The following MTOR variants were observed in gnomAD, a reference collection of about 807,000 sequenced individuals.
MTOR encodes the protein serine/threonine-protein kinase mTOR.
A neutral mutation model predicts 319.8 loss-of-function variants in MTOR; 70 were observed. The observed-to-expected ratio is 0.22, with a 90% CI of 0.18 to 0.27. MTOR has a LOEUF of 0.27. MTOR is among the 10% of genes least tolerant of loss of function. MTOR has a pLI of 1.00. For missense variants in MTOR, 1,890 were observed against 3,274.4 expected, an observed-to-expected ratio of 0.58 and a Z score of 10.32; for synonymous variants, 1,183 against 1,211.4, an observed-to-expected ratio of 0.98 and a Z score of 0.49.
At chr1:11,191,412 G>A (rs1343653043) in intron 28 of MTOR, among the ~76,000 whole-genome samples, 1 of 152,082 alleles carries the variant, frequency 6.6e-6, no homozygotes, top group East Asian at 1.9e-4. Context: ...ATGTGCCTCA[G>A]ACAACTCCCA....
intron 49 of MTOR, among the ~76,000 whole-genome samples, chr1:11,118,537 G>A (rs1015773494): frequency 1.4e-5 from 2 of 145,962 alleles, no homozygotes; most frequent in Non-Finnish European, 3.0e-5. Context: ...GCCTGGTCTT[G>A]TTTATTTTTA....
Position 11,115,574 on chromosome 1 carries a change from T to C in MTOR, c.7017-106A>G. 9.7e-7 allele frequency: 1 copy of C among 1,031,904 alleles called. No homozygotes were observed. The allele number at this position is 1,031,904 out of a possible 1,614,324, so 63.9% of individuals were successfully genotyped here. A position where few individuals can be genotyped will look rare whatever the true frequency, so the allele number is the denominator to read the frequency against. ...GCTAGGAGTTGGCAAACGATAGCCC[T>C]CAGCCAATCCAGCCCCTCCACCTCC... On this transcript the variant is annotated intron_variant, in intron 50 of 57. Transcript: ENST00000361445. The surrounding 1 kb of genome is among the most constrained non-coding windows in gnomAD (Gnocchi z 4.5).
intron 18 of MTOR, among the ~76,000 whole-genome samples, chr1:11,229,255 C>G (rs940078117): frequency 6.6e-6 from 1 of 152,126 alleles, no homozygotes; most frequent in Non-Finnish European, 1.5e-5. Flanking sequence ...TAATTACTCC[C>G]CCAAAATAAA....
intron 8 of MTOR, among the ~76,000 whole-genome samples, chr1:11,243,990 G>A (rs112338516): frequency 0.031 from 4,783 of 152,106 alleles, 195 homozygotes; most frequent in African/African-American, 0.074. Context: ...ACTCCAGCCT[G>A]GGCAACAGAA....
chr1:11,128,513 G>T lies in MTOR; in HGVS notation c.5851C>A (p.Pro1951Thr). ...TGGTGAATGAGACGTCCCACCAAGG[G>T]TCTGGGCGTATCAATTCTTGCAATG... ...QLIARIDTPR[P>T]LVGRLIHQLL... is the part of the protein sequence containing the mutation. The change falls in exon 42 of 58, where the codon CCC becomes ACC. Residue 1951 changes from proline (P) to threonine (T), a missense_variant. By Grantham distance (38) the Pro-to-Thr change is conservative (BLOSUM62 -1). This residue lies in a region of MTOR where 249 missense variants were observed against 596.2 expected (regional missense o/e 0.42). Coordinates refer to ENST00000361445, the MANE Select transcript of MTOR (RefSeq NM_004958.4). This position sits in a 1 kb window ranked among gnomAD's most constrained non-coding sequence, Gnocchi z 5.3. The T allele has an allele frequency of 1.2e-6, 2 of 1,614,210 alleles. No individual in the cohort carries two copies. Among genetic ancestry groups the T allele is most frequent in the South Asian group, 2.2e-5 (2 of 91,092 alleles).
At chr1:11,213,308 C>T in intron 21 of MTOR, 91 bp downstream of exon 21, 1 of 1,378,892 alleles carries the variant, frequency 7.3e-7, no homozygotes, top group Non-Finnish European at 9.9e-7. Context: ...ATCAACCTGT[C>T]ACTCAGAATG....
At position 11,230,870 on chromosome 1, in the gene MTOR, C is replaced by CA. The variant is rs1442364155; in HGVS notation, c.2779+54dup. ...CTCCAGACTTTCTAAACACAACCAG[C>CA]AAGGGCTCTGTGAGTGAGAACTTGG... On this transcript the variant is annotated intron_variant, in intron 18 of 57. Coordinates refer to ENST00000361445, the MANE Select transcript of MTOR (RefSeq NM_004958.4). 1.9e-6 allele frequency: 3 copies of CA among 1,609,950 alleles called. No homozygotes were observed. The African/African-American group carries it at 4.0e-5, about 22-fold the overall frequency.
chr1:11,178,343 T>C (rs749262310), intron 28 of MTOR, among the ~76,000 whole-genome samples: 1 of 151,918 alleles, frequency 6.6e-6, no homozygotes. Flanking sequence ...CAGAGAGAGG[T>C]GCACAACCCC....
chr1:11,145,306 G>C (rs1341450687), intron 32 of MTOR: 2 of 484,854 alleles, frequency 4.1e-6, no homozygotes, highest in African/African-American at 1.9e-5. Flanking sequence ...TAGGTGGCAA[G>C]GGCATGGGAA....
intron 26 of MTOR, among the ~76,000 whole-genome samples, chr1:11,200,910 G>A (rs957792531): frequency 4.0e-5 from 6 of 151,882 alleles, no homozygotes; most frequent in Non-Finnish European, 7.4e-5. Flanking sequence ...AGCTTCTCAG[G>A]AGGCTGAGGC....
chr1:11,199,353 T>C lies in MTOR; in HGVS notation c.4158A>G (p.Arg1386=). The C allele has an allele frequency of 6.2e-7, 1 of 1,614,142 alleles. No individual in the cohort carries two copies. Among genetic ancestry groups the C allele is most frequent in the Non-Finnish European group, 8.5e-7 (1 of 1,180,014 alleles). The change falls in exon 28 of 58, where the codon AGA becomes AGG. Residue 1386 remains arginine, a synonymous_variant. Transcript: ENST00000361445. This position sits in a 1 kb window ranked among gnomAD's most constrained non-coding sequence, Gnocchi z 4.5. Reference sequence around the variant, plus strand: ...TGGCATATGCTCGGCACTTGGCAGCTCTCTCACCCAGCAGAACAATGCCAT... The same window carrying C: ...TGGCATATGCTCGGCACTTGGCAGCCCTCTCACCCAGCAGAACAATGCCAT... ...DDNGIVLLGE[R]AAKCRAYAKA...
chr1:11,114,296 C>T (rs768843171), intron 53 of MTOR, 22 bp downstream of exon 53: 2 of 1,612,858 alleles, frequency 1.2e-6, no homozygotes, highest in East Asian at 2.2e-5. Context: ...AGCTCAGCTC[C>T]CAGGCACTTG....
At chr1:11,201,818 T>A (rs1404363128) in intron 26 of MTOR, among the ~76,000 whole-genome samples, 2 of 152,102 alleles carry the variant, frequency 1.3e-5, no homozygotes, top group East Asian at 1.9e-4. Flanking sequence ...CAAAAAAAAA[T>A]TTTTTTGAGA....
intron 19 of MTOR, among the ~76,000 whole-genome samples, chr1:11,227,607 A>T (rs1646887521): frequency 6.6e-6 from 1 of 152,152 alleles, no homozygotes. Context: ...GTAGGGACAT[A>T]TAATCTTAGA....
intron 6 of MTOR, among the ~76,000 whole-genome samples, chr1:11,250,378 TA>T (rs1649515922): frequency 6.6e-6 from 1 of 152,232 alleles, no homozygotes. Flanking sequence ...CAGTGAGTCT[TA>T]AGCTGCTAAA....
chr1:11,173,571 C>T (rs1189007577), intron 28 of MTOR, among the ~76,000 whole-genome samples: 1 of 152,168 alleles, frequency 6.6e-6, no homozygotes, highest in South Asian at 2.1e-4. Flanking sequence ...GCATGAGCCA[C>T]CACGCCCAGC....
At chr1:11,218,425 A>T (rs1289039203) in intron 19 of MTOR, among the ~76,000 whole-genome samples, 1 of 151,568 alleles carries the variant, frequency 6.6e-6, no homozygotes. Flanking sequence ...GCGAGACTCC[A>T]TCTCAAAAAA....
intron 57 of MTOR, among the ~76,000 whole-genome samples, chr1:11,107,844 T>C (rs1641652999): frequency 6.6e-6 from 1 of 152,252 alleles, no homozygotes; most frequent in African/African-American, 2.4e-5. Context: ...TCTAGCTTTT[T>C]CTTTCCTTCG....
At chr1:11,211,858 G>A (rs1424723456) in intron 23 of MTOR, among the ~76,000 whole-genome samples, 5 of 152,080 alleles carry the variant, frequency 3.3e-5, no homozygotes, top group Non-Finnish European at 7.4e-5. Context: ...GCTGTGCCCT[G>A]AACTCTTTGA....
Sources: gnomAD v4.1 joint callset for allele counts (sites outside exome capture counted in the v4.1 genomes callset) on GRCh38, gnomAD v4.1.1 for gene constraint, gnomAD v4.1.1 regional missense constraint, Gnocchi (gnomAD v3.1) non-coding constraint, MANE v1.5 for transcripts, NCBI Gene and HGNC (gene_info 2026-07-23, HGNC 2026-07-21) for gene names.